NAA16: variants seen among roughly 807,000 people sequenced by gnomAD.
NAA16 encodes NARG1-like protein.
In NAA16, 97 loss-of-function variants were observed where a neutral mutation model predicts 110.3. The ratio of observed to expected loss-of-function variants is 0.88; its 90% CI spans 0.75 to 1.04. The LOEUF (loss-of-function observed/expected upper bound fraction) is 1.04. Ranked by LOEUF, NAA16 falls within the 50% of genes least tolerant of loss-of-function variation. The probability of loss-of-function intolerance (pLI) is 0.00; values close to 1 mark genes in which losing one functional copy is unlikely to be tolerated. For missense variants in NAA16, 1,017 were observed against 1,005.1 expected, an observed-to-expected ratio of 1.01 and a Z score of -0.16; for synonymous variants, 372 against 330.6, an observed-to-expected ratio of 1.13 and a Z score of -1.36.
At chr13:41,329,918 T>C (rs1407458914) in intron 7 of NAA16, among the ~76,000 whole-genome samples, 1 of 151,998 alleles carries the variant, frequency 6.6e-6, no homozygotes, top group Non-Finnish European at 1.5e-5. Flanking sequence ...AATTACACTA[T>C]TGTTTTAGGT....
chr13:41,317,008 C>A, intron 2 of NAA16, 78 bp downstream of exon 2: 1 of 1,030,454 alleles, frequency 9.7e-7, no homozygotes, highest in South Asian at 1.3e-5. Flanking sequence ...AAGAGTATTT[C>A]CCCGATTCCA....
At position 41,323,152 on chromosome 13, in the gene NAA16, G is replaced by A; in HGVS notation, c.499G>A (p.Ala167Thr). 1.2e-6 allele frequency: 2 copies of A among 1,613,942 alleles called. No individual in the cohort carries two copies. The highest frequency in any genetic ancestry group is 8.5e-7 in the Non-Finnish European group (1 of 1,179,928). Residue 167 changes from alanine (A) to threonine (T), a missense_variant, in exon 5 of 20, where the codon GCC (alanine) becomes ACC (threonine). Ala to Thr is a moderately conservative substitution (Grantham distance 58). Coordinates refer to ENST00000379406, the MANE Select transcript of NAA16 (RefSeq NM_024561.5). The part of the protein sequence containing the change: ...AYHLLKDYDM[A>T]LKLLEEFRQT... ...CCATTTGCTGAAAGATTATGATATGGCCCTAAAACTGTTGGAAGAATTTAG... is the reference window on the plus strand; with the variant it reads ...CCATTTGCTGAAAGATTATGATATGACCCTAAAACTGTTGGAAGAATTTAG...
chr13:41,330,753 G>C (rs986774916), intron 7 of NAA16, among the ~76,000 whole-genome samples: 4 of 151,984 alleles, frequency 2.6e-5, no homozygotes, highest in African/African-American at 4.8e-5. Flanking sequence ...AAGGATAATG[G>C]AGTTTCATTG....
intron 9 of NAA16, among the ~76,000 whole-genome samples, chr13:41,352,596 A>G (rs964452535): frequency 6.6e-6 from 1 of 152,128 alleles, no homozygotes; most frequent in East Asian, 1.9e-4. Context: ...CAGAGGTTGC[A>G]GTGAGCTGAG....
intron 13 of NAA16, chr13:41,362,533 C>T (rs1179941943): frequency 1.2e-5 from 5 of 400,338 alleles, no homozygotes; most frequent in African/African-American, 8.4e-5. Flanking sequence ...GGATCTGGTC[C>T]GCAGTCAGCC....
intron 3 of NAA16, among the ~76,000 whole-genome samples, chr13:41,320,127 A>G (rs943447343): frequency 6.6e-6 from 1 of 152,206 alleles, no homozygotes; most frequent in Non-Finnish European, 1.5e-5. Context: ...AGATATGCTA[A>G]TACTTTAATT....
chr13:41,364,296 G>A (rs1054824456), intron 13 of NAA16, among the ~76,000 whole-genome samples: 1 of 152,082 alleles, frequency 6.6e-6, no homozygotes, highest in African/African-American at 2.4e-5. Context: ...TTTGTTGAAG[G>A]CAGTTTCAGT....
At chr13:41,324,414 C>T (rs1268961044) in intron 5 of NAA16, among the ~76,000 whole-genome samples, 1 of 113,672 alleles carries the variant, frequency 8.8e-6, no homozygotes, top group South Asian at 2.9e-4. Flanking sequence ...CTTGATCTGT[C>T]GCCCAGGCTA....
In NAA16 at chr13:41,326,164, G is replaced by A. The variant is rs577753000; in HGVS notation, c.691+313G>A. The stretch of plus-strand genomic sequence containing the variant: ...ATTACACTGCCTTCATATTGAATAT[G>A]TATCTCTGTATATCCATATATAGTT... On this transcript the variant is annotated intron_variant, in intron 6 of 19. Coordinates refer to ENST00000379406, the MANE Select transcript of NAA16 (RefSeq NM_024561.5). Among the ~76,000 whole-genome samples, 152 of 152,218 alleles carry A rather than the reference G, an allele frequency of 1.0e-3. 1 individual carries two copies. Among genetic ancestry groups the A allele is most frequent in the African/African-American group, 3.4e-3 (140 of 41,530 alleles).
At chr13:41,353,934 T>C (rs1051672043) in intron 9 of NAA16, among the ~76,000 whole-genome samples, 2 of 152,200 alleles carry the variant, frequency 1.3e-5, no homozygotes, top group Non-Finnish European at 2.9e-5. Context: ...AATCTTTGTT[T>C]TTTAAAAAAG....
In NAA16 at chr13:41,367,506, G is replaced by A. The variant is rs200618803; in HGVS notation, c.1607G>A (p.Arg536His). ...TACTGCATGAGAAAGATGACCCTTC[G>A]TGCCTATGTTGACCTTTTGAGATTA... ...HTYCMRKMTL[R>H]AYVDLLRLED... Residue 536 changes from arginine to histidine, a missense_variant, in exon 14 of 20, where the codon CGT becomes CAT. Arg to His is a conservative substitution (Grantham distance 29, BLOSUM62 0). Transcript: ENST00000379406. 6.2e-6 allele frequency: 10 copies of A among 1,613,010 alleles called. No individual in the cohort carries two copies. Among genetic ancestry groups the A allele is most frequent in the African/African-American group, 2.7e-5 (2 of 74,874 alleles).
intron 6 of NAA16, among the ~76,000 whole-genome samples, chr13:41,327,152 A>G (rs1030969324): frequency 2.0e-5 from 3 of 151,970 alleles, no homozygotes; most frequent in Non-Finnish European, 2.9e-5. Context: ...TTTAACTACT[A>G]TACTCTTTCT....
intron 14 of NAA16, 122 bp downstream of exon 14, chr13:41,367,774 T>G (rs1392582986): frequency 1.6e-6 from 1 of 643,802 alleles, no homozygotes; most frequent in Non-Finnish European, 2.4e-6. Flanking sequence ...AAACATTAGA[T>G]AACTCATATG....
chr13:41,373,304 C>A, intron 17 of NAA16: 1 of 592,726 alleles, frequency 1.7e-6, no homozygotes, highest in Non-Finnish European at 2.1e-6. Flanking sequence ...GTTGTCTAGG[C>A]TGGAGTGCAG....
Position 41,358,335 on chromosome 13 carries a change from A to G in NAA16, c.1119A>G (p.Leu373=), listed in dbSNP as rs182807651. The G allele has an allele frequency of 1.1e-4, 184 of 1,613,892 alleles. 3 individuals are homozygous for G. Among genetic ancestry groups the G allele is most frequent in the Non-Finnish European group, 2.5e-6 (3 of 1,179,850 alleles). The part of the protein sequence containing the change: ...ENGEKEPPTT[L]LWVQYFLAQH... ...GGGAGAAGGAACCCCCGACAACACT[A>G]CTCTGGGTTCAGTATTTCCTGGCAC... The change falls in exon 11 of 20, where the codon CTA becomes CTG. Residue 373 remains leucine (L), a synonymous_variant. Transcript: ENST00000379406.
chr13:41,349,799 T>G (rs1190068392), intron 9 of NAA16, among the ~76,000 whole-genome samples: 1 of 151,696 alleles, frequency 6.6e-6, no homozygotes, highest in Non-Finnish European at 1.5e-5. Flanking sequence ...ACCCTAAATC[T>G]ACTAAAAATA....
intron 6 of NAA16, 103 bp downstream of exon 6, chr13:41,325,954 A>G: frequency 1.1e-6 from 1 of 906,240 alleles, no homozygotes; most frequent in Non-Finnish European, 1.6e-6. Context: ...TGTATCTGGC[A>G]AGGTTCCAAA....
rs1233120969 is a variant in NAA16, at chr13:41,372,775, C to T, written c.2100C>T (p.Ala700=). The change falls in exon 17 of 20, where the codon GCC becomes GCT. Residue 700 remains alanine (A), a synonymous_variant. Coordinates refer to ENST00000379406, the MANE Select transcript of NAA16 (RefSeq NM_024561.5). ...LMLQSVKRAF[A]INSNNPWLHE... ...TGCAGTCTGTCAAACGAGCTTTTGC[C>T]ATTAACAGTAATAACCCATGGTTAC... 1 of 1,602,988 alleles carries T rather than the reference C, an allele frequency of 6.2e-7. No individual in the cohort carries two copies. Among genetic ancestry groups the T allele is most frequent in the South Asian group, 1.1e-5 (1 of 89,466 alleles).
At chr13:41,336,210 A>G (rs1427532090) in intron 8 of NAA16, among the ~76,000 whole-genome samples, 2 of 152,142 alleles carry the variant, frequency 1.3e-5, no homozygotes, top group African/African-American at 2.4e-5. Flanking sequence ...TATATCCTCA[A>G]TACCTAGAAC....
Sources: allele counts gnomAD v4.1 joint callset (sites outside exome capture counted in the v4.1 genomes callset), GRCh38; gene constraint gnomAD v4.1.1; transcripts MANE v1.5; gene names NCBI Gene and HGNC (gene_info 2026-07-23, HGNC 2026-07-21).